NBAS: variants seen among roughly 807,000 people sequenced by gnomAD.
NBAS encodes the protein NAG/BC035112 fusion.
A neutral mutation model predicts 302.5 loss-of-function variants in NBAS; 219 were observed. The ratio of observed to expected loss-of-function variants is 0.72; its 90% CI spans 0.65 to 0.81. The LOEUF (loss-of-function observed/expected upper bound fraction) is 0.81. Ranked by LOEUF, NBAS falls within the 30% of genes least tolerant of loss-of-function variation. The pLI is 0.00. For synonymous variants in NBAS, 1,118 were observed against 1,021.6 expected (o/e 1.09, Z -1.80); for missense variants, 2,932 against 2,841.6 (o/e 1.03, Z -0.72).
chr2:14,814,927 G>C, the NBAS span, among the ~76,000 whole-genome samples: 1 of 152,122 alleles, frequency 6.6e-6, no homozygotes, highest in East Asian at 1.9e-4. Context: ...CATCCCCCTA[G>C]TGCTGTCTTG....
the NBAS span, among the ~76,000 whole-genome samples, chr2:14,921,076 A>G: frequency 6.6e-6 from 1 of 152,080 alleles, no homozygotes; most frequent in Non-Finnish European, 1.5e-5. Flanking sequence ...ATTTAAAGTG[A>G]GAGACCTGAG....
chr2:14,907,026 C>T, the NBAS span, among the ~76,000 whole-genome samples: 1 of 152,186 alleles, frequency 6.6e-6, no homozygotes, highest in South Asian at 2.1e-4. Flanking sequence ...CCATGCCTGT[C>T]GCCCACTTCC....
chr2:15,118,197 C>T, the NBAS span, among the ~76,000 whole-genome samples: 2 of 152,212 alleles, frequency 1.3e-5, no homozygotes, highest in Non-Finnish European at 2.9e-5. Context: ...GACTATTGAT[C>T]ATCGTGTCTT....
At chr2:14,895,739 C>CAAAAAAAAAAAAAAAAAAAAAAAAAAAAA in the NBAS span, among the ~76,000 whole-genome samples, 6 of 95,492 alleles carry the variant, frequency 6.3e-5, no homozygotes, top group African/African-American at 1.1e-4. Context: ...GACTCCGTCT[C>CAAAAAAAAAAAAAAAAAAAAAAAAAAAAA]AAAAAAAAAA....
chr2:15,016,548 C>G, the NBAS span, among the ~76,000 whole-genome samples: 1 of 152,026 alleles, frequency 6.6e-6, no homozygotes, highest in African/African-American at 2.4e-5. Flanking sequence ...CCATATTACC[C>G]AAAATAACAT....
At chr2:14,797,835 G>A in the NBAS span, among the ~76,000 whole-genome samples, 1 of 152,282 alleles carries the variant, frequency 6.6e-6, no homozygotes. Flanking sequence ...TGGTCACGGA[G>A]GTCTCTGGCT....
chr2:15,534,355 A>T (rs1206351249), intron 9 of NBAS, among the ~76,000 whole-genome samples, 188 bp downstream of exon 9: 1 of 152,238 alleles, frequency 6.6e-6, no homozygotes, highest in Non-Finnish European at 1.5e-5. Flanking sequence ...TCTGGCTCAG[A>T]AGAGCTCAGT....
chr2:15,113,572 A>G, the NBAS span, among the ~76,000 whole-genome samples: 1 of 152,124 alleles, frequency 6.6e-6, no homozygotes. Context: ...AGTAGAAGAG[A>G]TTCTCCCTGG....
At chr2:15,405,634 A>C (rs1676372461) in intron 25 of NBAS, among the ~76,000 whole-genome samples, 2 of 152,216 alleles carry the variant, frequency 1.3e-5, no homozygotes, top group Admixed American at 6.5e-5. Context: ...ATAATTTCTA[A>C]AAACTCTTAA....
chr2:15,059,049 C>G, the NBAS span, among the ~76,000 whole-genome samples: 1 of 152,206 alleles, frequency 6.6e-6, no homozygotes, highest in East Asian at 1.9e-4. Flanking sequence ...CTCAAAGGCT[C>G]TCTGTTCAGC....
rs1667523900 is a variant in NBAS, at chr2:15,234,822, A to G, written c.5944-75T>C. On this transcript the variant is annotated intron_variant, in intron 45 of 51. Transcript: ENST00000281513. ...TATCTACATGCACAAAGTGAAACAT[A>G]TTTAGATCCTCGAACCAAATACATG... is the stretch of plus-strand genomic sequence containing the variant. 42 of 1,465,106 alleles carry G rather than the reference A, an allele frequency of 2.9e-5. No individual in the cohort carries two copies. In the South Asian group the frequency reaches 4.2e-4, roughly 15 times the overall value. 90.8% of individuals were successfully genotyped at this position (1,465,106 alleles called of 1,614,324 possible).
At chr2:15,449,263 G>T (rs1303535916) in intron 21 of NBAS, among the ~76,000 whole-genome samples, 3 of 152,050 alleles carry the variant, frequency 2.0e-5, no homozygotes, top group Non-Finnish European at 4.4e-5. Context: ...CCCTATTTCT[G>T]GACCTGTTTC....
chr2:15,337,780 T>C (rs1672658405), intron 35 of NBAS, among the ~76,000 whole-genome samples: 2 of 152,216 alleles, frequency 1.3e-5, no homozygotes, highest in African/African-American at 4.8e-5. Context: ...GATCATAGTT[T>C]AACCAGAAAC....
At chr2:14,904,875 C>T in the NBAS span, among the ~76,000 whole-genome samples, 1 of 149,676 alleles carries the variant, frequency 6.7e-6, no homozygotes, top group African/African-American at 2.5e-5. Context: ...CGGTGAAACG[C>T]TGTCTCTACT....
intron 35 of NBAS, among the ~76,000 whole-genome samples, chr2:15,332,267 G>T (rs1160892116): frequency 6.6e-6 from 1 of 152,148 alleles, no homozygotes; most frequent in Admixed American, 6.5e-5. Flanking sequence ...GCCTTGTGTG[G>T]CTCTAAGAAG....
At chr2:14,935,948 G>A in the NBAS span, among the ~76,000 whole-genome samples, 1 of 152,294 alleles carries the variant, frequency 6.6e-6, no homozygotes, top group South Asian at 2.1e-4. Context: ...CCAAGCAGGA[G>A]TCTCAGTAGA....
Position 15,203,864 on chromosome 2 carries a change from C to G in NBAS, c.6433-13461G>C, listed in dbSNP as rs200732561. ...AGGTGGCATGTCTGTGTGTGTGTGT[C>G]TGTGTCTGTGTGTGTGTGTGTGTGC... On this transcript the variant is annotated intron_variant, in intron 48 of 51. Coordinates refer to ENST00000281513, the MANE Select transcript of NBAS (RefSeq NM_015909.4). Among the ~76,000 whole-genome samples, 451 of 118,364 alleles carry G rather than the reference C, an allele frequency of 3.8e-3. 6 individuals carry two copies. Among genetic ancestry groups the G allele is most frequent in the African/African-American group, 0.015 (421 of 28,236 alleles). The allele number at this position is 118,364 out of a possible 152,430, so 77.7% of individuals were successfully genotyped here. A position where few individuals can be genotyped will look rare whatever the true frequency, so the allele number is the denominator to read the frequency against.
chr2:15,068,449 T>G, the NBAS span, among the ~76,000 whole-genome samples: 1 of 152,212 alleles, frequency 6.6e-6, no homozygotes, highest in Non-Finnish European at 1.5e-5. Context: ...GAATCTCTAC[T>G]GAGGACTTTG....
the NBAS span, among the ~76,000 whole-genome samples, chr2:14,888,618 G>A: frequency 6.6e-6 from 1 of 152,082 alleles, no homozygotes; most frequent in Non-Finnish European, 1.5e-5. Context: ...TGTCATAAAT[G>A]TGTTAACTAT....
Sources: allele counts gnomAD v4.1 joint callset (sites outside exome capture counted in the v4.1 genomes callset), GRCh38; gene constraint gnomAD v4.1.1; transcripts MANE v1.5; gene names NCBI Gene and HGNC (gene_info 2026-07-23, HGNC 2026-07-21).